Variants in DCC observed in about 807,000 individuals in gnomAD.
DCC encodes the protein netrin receptor DCC.
Under a neutral mutation model 172.5 loss-of-function variants are expected in DCC, and 58 were observed. The observed-to-expected ratio is 0.34, with a 90% confidence interval of 0.27 to 0.42. DCC has a LOEUF of 0.42. Among genes scored for constraint, DCC ranks in the 10% least tolerant of loss-of-function variants. The pLI is 1.00. For missense variants in DCC, 1,740 were observed against 1,791.0 expected (o/e 0.97, Z 0.51); for synonymous variants, 709 against 644.5 (o/e 1.10, Z -1.52).
chr18:52,727,246 T>A (rs2036565448), intron 1 of DCC, among the ~76,000 whole-genome samples: 1 of 152,218 alleles, frequency 6.6e-6, no homozygotes, highest in African/African-American at 2.4e-5. Context: ...CATTTGAAAA[T>A]GAAAATAGTA....
At chr18:53,005,598 C>A (rs547567844) in intron 5 of DCC, among the ~76,000 whole-genome samples, 3 of 152,060 alleles carry the variant, frequency 2.0e-5, no homozygotes, top group Non-Finnish European at 4.4e-5. Context: ...CAAAGTGGTG[C>A]GTGCCTACAG....
intron 17 of DCC, among the ~76,000 whole-genome samples, chr18:53,392,924 T>C (rs1908658235): frequency 6.6e-6 from 1 of 152,202 alleles, no homozygotes; most frequent in Non-Finnish European, 1.5e-5. Context: ...AGAAGTCAGT[T>C]TTGAAAATAA....
chr18:52,643,476 A>T (rs2034951660), intron 1 of DCC, among the ~76,000 whole-genome samples: 2 of 152,192 alleles, frequency 1.3e-5, no homozygotes, highest in African/African-American at 4.8e-5. Flanking sequence ...ACCAGCCCAC[A>T]TGATTTTTGC....
intron 1 of DCC, among the ~76,000 whole-genome samples, chr18:52,358,413 A>G (rs1466219575): frequency 6.6e-6 from 1 of 152,220 alleles, no homozygotes; most frequent in Non-Finnish European, 1.5e-5. Context: ...AAGACAAGAT[A>G]TTCCGCCTTT....
intron 12 of DCC, among the ~76,000 whole-genome samples, chr18:53,232,236 A>C (rs2056133272): frequency 6.6e-6 from 1 of 152,054 alleles, no homozygotes; most frequent in Non-Finnish European, 1.5e-5. Context: ...AAATATTCTT[A>C]GTTTCTACAA....
At chr18:52,459,802 G>T (rs1358537222) in intron 1 of DCC, among the ~76,000 whole-genome samples, 1 of 151,870 alleles carries the variant, frequency 6.6e-6, no homozygotes, top group Non-Finnish European at 1.5e-5. Flanking sequence ...GCATTAGTTT[G>T]TTAAGGATGA....
At chr18:52,850,280 C>G (rs1044250495) in intron 2 of DCC, among the ~76,000 whole-genome samples, 3 of 152,194 alleles carry the variant, frequency 2.0e-5, no homozygotes, top group African/African-American at 7.2e-5. Flanking sequence ...TCTGGAAGCA[C>G]ATCGTTTGTG....
chr18:53,255,170 C>G (rs1043257586), intron 12 of DCC, among the ~76,000 whole-genome samples: 2 of 151,682 alleles, frequency 1.3e-5, no homozygotes, highest in African/African-American at 4.8e-5. Context: ...CCTTTCGGGC[C>G]CTTCTGTCCA....
At chr18:52,674,029 C>T (rs1197982594) in intron 1 of DCC, among the ~76,000 whole-genome samples, 2 of 152,186 alleles carry the variant, frequency 1.3e-5, no homozygotes, top group Admixed American at 6.5e-5. Context: ...CCCCAGCTGT[C>T]CCCAGTGTGC....
At chr18:53,501,289 G>A (rs1811193827) in intron 27 of DCC, among the ~76,000 whole-genome samples, 1 of 152,052 alleles carries the variant, frequency 6.6e-6, no homozygotes, top group African/African-American at 2.4e-5. Flanking sequence ...TTAGGCACAA[G>A]GAAACTGAGA....
intron 1 of DCC, among the ~76,000 whole-genome samples, chr18:52,368,875 G>T (rs1215851370): frequency 6.6e-6 from 1 of 152,148 alleles, no homozygotes; most frequent in African/African-American, 2.4e-5. Flanking sequence ...GGAGGGCTGA[G>T]CATCAAGTGA....
intron 14 of DCC, among the ~76,000 whole-genome samples, chr18:53,337,403 G>A (rs1218020053): frequency 6.6e-6 from 1 of 152,182 alleles, no homozygotes; most frequent in East Asian, 1.9e-4. Flanking sequence ...ACATTTCAAG[G>A]GCACTGGTGA....
At chr18:53,172,615 C>T (rs529638872) in intron 8 of DCC, among the ~76,000 whole-genome samples, 138 of 149,928 alleles carry the variant, frequency 9.2e-4, no homozygotes, top group African/African-American at 3.3e-3. Context: ...CTTATACATA[C>T]CCAAGGTGTT....
chr18:53,390,833 C>T (rs1908501438), intron 16 of DCC, among the ~76,000 whole-genome samples: 1 of 152,030 alleles, frequency 6.6e-6, no homozygotes, highest in Admixed American at 6.6e-5. Flanking sequence ...TCCTGTCTTG[C>T]CATCCAATAA....
intron 1 of DCC, among the ~76,000 whole-genome samples, chr18:52,537,673 G>A (rs999877029): frequency 6.6e-6 from 1 of 152,136 alleles, no homozygotes; most frequent in Non-Finnish European, 1.5e-5. Context: ...GACGACGAAT[G>A]AAAGGAAATA....
chr18:52,709,972 G>T (rs2036268450), intron 1 of DCC, among the ~76,000 whole-genome samples: 2 of 152,286 alleles, frequency 1.3e-5, no homozygotes, highest in African/African-American at 4.8e-5. Context: ...GAATGTGGAG[G>T]AATAGGCATT....
At chr18:53,067,519 C>T (rs2042590559) in intron 7 of DCC, among the ~76,000 whole-genome samples, 3 of 151,994 alleles carry the variant, frequency 2.0e-5, no homozygotes, top group Non-Finnish European at 4.4e-5. Flanking sequence ...AAGACTCTGT[C>T]ACAAAAAACA....
At chr18:52,980,113 G>C (rs180923607) in intron 5 of DCC, among the ~76,000 whole-genome samples, 2 of 152,256 alleles carry the variant, frequency 1.3e-5, no homozygotes, top group East Asian at 3.9e-4. Flanking sequence ...GGAGGAGAGT[G>C]ATGCTTGATG....
intron 22 of DCC, 57 bp downstream of exon 22, chr18:53,435,266 AAG>A: frequency 8.1e-7 from 1 of 1,235,786 alleles, no homozygotes. Flanking sequence ...TGGTTAATTC[AAG>A]AGTGTCTGGG....
Sources: gnomAD v4.1 joint callset for allele counts (sites outside exome capture counted in the v4.1 genomes callset) on GRCh38, gnomAD v4.1.1 for gene constraint, MANE v1.5 for transcripts, NCBI Gene and HGNC (gene_info 2026-07-23, HGNC 2026-07-21) for gene names.